The following WWC2 variants were observed in gnomAD, a reference collection of about 807,000 sequenced individuals.
The protein encoded by WWC2 is WW and C2 domain containing 2, also known as protein WWC2.
A neutral mutation model predicts 138.5 loss-of-function variants in WWC2; 101 were observed. That is an observed-to-expected ratio of 0.73 (90% CI 0.62 to 0.86). WWC2 has a LOEUF of 0.86. WWC2 is among the 40% of genes least tolerant of loss of function. The pLI is 0.00. For missense variants in WWC2, 1,420 were observed against 1,419.4 expected (o/e 1.00, Z -0.01); for synonymous variants, 558 against 538.4 (o/e 1.04, Z -0.50).
chr4:183,099,611 C>A lies in WWC2; in HGVS notation c.120C>A (p.Asp40Glu). 5.1e-6 allele frequency: 7 copies of A among 1,362,402 alleles called. No homozygotes were observed. Among genetic ancestry groups the A allele is most frequent in the Non-Finnish European group, 6.7e-6 (7 of 1,039,480 alleles). 84.4% of individuals were successfully genotyped at this position (1,362,402 alleles called of 1,614,324 possible). A position where few individuals can be genotyped will look rare whatever the true frequency, so the allele number is the denominator to read the frequency against. Residue 40 changes from aspartate (D) to glutamate (E), a missense_variant, in exon 1 of 23, where the codon GAC (aspartate) becomes GAA (glutamate). Transcript: ENST00000403733. Reference protein sequence around the residue: ...DHNTRRTSWIDPRDRLTKPLS... With the variant: ...DHNTRRTSWIEPRDRLTKPLS... Reference sequence around the variant, plus strand: ...ACACCAGGAGGACCAGCTGGATCGACCCCCGGGACAGGTGGGCGCCGGCCG... The same window carrying A: ...ACACCAGGAGGACCAGCTGGATCGAACCCCGGGACAGGTGGGCGCCGGCCG...
intron 4 of WWC2, among the ~76,000 whole-genome samples, chr4:183,213,224 G>A (rs951696120): frequency 6.6e-6 from 1 of 152,212 alleles, no homozygotes. Context: ...ATCTGTGTCC[G>A]TTTTGACCAG....
rs148052744 is a variant in WWC2 at position 183,299,286 on chromosome 4, A to G, written c.3384+9651A>G. On this transcript the variant is annotated intron_variant, in intron 21 of 22. Coordinates refer to ENST00000403733, the MANE Select transcript of WWC2 (RefSeq NM_024949.6). ...ACCTCTCAATACCGTTACAATGGCA[A>G]TTGAATTTCAGCTTGAGTTTTGGGG... 1.5e-4 allele frequency among the ~76,000 whole-genome samples: 23 copies of G among 152,228 alleles called. No individual in the cohort carries two copies. The East Asian group carries it at 4.5e-3, about 30-fold the overall frequency.
chr4:183,276,554 A>C (rs1737861815), intron 16 of WWC2, among the ~76,000 whole-genome samples: 1 of 152,126 alleles, frequency 6.6e-6, no homozygotes, highest in Non-Finnish European at 1.5e-5. Flanking sequence ...AAAGATTTTC[A>C]AAGACTTTAA....
intron 16 of WWC2, among the ~76,000 whole-genome samples, chr4:183,275,520 G>C (rs1421784949): frequency 6.6e-6 from 1 of 152,094 alleles, no homozygotes; most frequent in Non-Finnish European, 1.5e-5. Context: ...ATCATTAAAG[G>C]CCGTTGGATT....
intron 8 of WWC2, 135 bp downstream of exon 8, chr4:183,250,128 A>C (rs1481995221): frequency 1.4e-6 from 1 of 722,772 alleles, no homozygotes; most frequent in Non-Finnish European, 2.3e-6. Context: ...TTAGCATGTC[A>C]GGGCTGCTTC....
intron 9 of WWC2, among the ~76,000 whole-genome samples, chr4:183,257,625 T>C (rs1737190030): frequency 6.6e-6 from 1 of 151,952 alleles, no homozygotes; most frequent in Non-Finnish European, 1.5e-5. Flanking sequence ...TTCTAACCCC[T>C]GGTTATGGGG....
At chr4:183,235,407 ATATAT>A (rs1218157728) in intron 4 of WWC2, among the ~76,000 whole-genome samples, 1 of 152,224 alleles carries the variant, frequency 6.6e-6, no homozygotes, top group African/African-American at 2.4e-5. Flanking sequence ...TAAGTGTATA[ATATAT>A]TCAACTATAA....
At chr4:183,221,739 G>A (rs1208430881) in intron 4 of WWC2, among the ~76,000 whole-genome samples, 1 of 152,184 alleles carries the variant, frequency 6.6e-6, no homozygotes, top group Non-Finnish European at 1.5e-5. Flanking sequence ...CATTTATTGG[G>A]TATAGCTACA....
At chr4:183,251,255 A>C (rs1049563521) in intron 8 of WWC2, among the ~76,000 whole-genome samples, 1 of 152,228 alleles carries the variant, frequency 6.6e-6, no homozygotes, top group African/African-American at 2.4e-5. Flanking sequence ...GTGGCCCGGC[A>C]ATGTGCCAGC....
rs964867225 is a variant in WWC2, at chr4:183,259,622, A to AT, written c.1197-9dup. ...ATTTTGTTATAATCATTTGAAAATA[A>AT]TTTTTTTTCTTCCTAGATTGAGATT... On this transcript the variant is annotated splice_polypyrimidine_tract_variant and intron_variant, in intron 9 of 22. Transcript: ENST00000403733. The AT allele has an allele frequency of 2.7e-5, 40 of 1,483,328 alleles. No individual in the cohort carries two copies. The highest frequency in any genetic ancestry group is 1.6e-4 in the African/African-American group (11 of 69,940). 91.9% of individuals were successfully genotyped at this position (1,483,328 alleles called of 1,614,324 possible).
chr4:183,174,102 G>T (rs1184213347), intron 1 of WWC2, among the ~76,000 whole-genome samples: 3 of 152,162 alleles, frequency 2.0e-5, no homozygotes, highest in Non-Finnish European at 4.4e-5. Context: ...TAATGGAAAT[G>T]GGGCTTGGGA....
chr4:183,226,574 C>T (rs1440485230), intron 4 of WWC2, among the ~76,000 whole-genome samples: 2 of 151,808 alleles, frequency 1.3e-5, no homozygotes, highest in East Asian at 3.9e-4. Flanking sequence ...TGAAAGAAGA[C>T]AGGGAGAAAT....
At chr4:183,122,519 G>A (rs1732633838) in intron 1 of WWC2, among the ~76,000 whole-genome samples, 1 of 152,058 alleles carries the variant, frequency 6.6e-6, no homozygotes, top group Non-Finnish European at 1.5e-5. Context: ...ATAAAGATCT[G>A]TATTTTATTT....
At chr4:183,314,602 C>T (rs1739372760) in intron 22 of WWC2, among the ~76,000 whole-genome samples, 2 of 152,164 alleles carry the variant, frequency 1.3e-5, no homozygotes. Flanking sequence ...GCCCGATGGT[C>T]CCTGGCCTTC....
At chr4:183,284,173 C>T in intron 18 of WWC2, 53 bp from the exon 19 acceptor site, 1 of 1,593,288 alleles carries the variant, frequency 6.3e-7, no homozygotes, top group Admixed American at 1.7e-5. Flanking sequence ...AAGAAAGGAG[C>T]ATAATGTTTA....
At chr4:183,266,542 C>T (rs1418343832) in intron 14 of WWC2, among the ~76,000 whole-genome samples, 1 of 152,164 alleles carries the variant, frequency 6.6e-6, no homozygotes, top group Non-Finnish European at 1.5e-5. Flanking sequence ...CTAAAGATCT[C>T]ATGACAAATA....
intron 1 of WWC2, among the ~76,000 whole-genome samples, chr4:183,103,941 G>T (rs559065552): frequency 6.6e-6 from 1 of 151,814 alleles, no homozygotes; most frequent in South Asian, 2.1e-4. Context: ...GCCTGGCCTT[G>T]TCTTTCTTTC....
chr4:183,304,993 CT>C (rs1283450479), intron 21 of WWC2, among the ~76,000 whole-genome samples: 4 of 152,018 alleles, frequency 2.6e-5, no homozygotes, highest in Non-Finnish European at 4.4e-5. Context: ...ATGCCAAGGG[CT>C]ATAAGGGAAG....
At chr4:183,276,086 A>G (rs1364156765) in intron 16 of WWC2, among the ~76,000 whole-genome samples, 1 of 152,054 alleles carries the variant, frequency 6.6e-6, no homozygotes, top group Non-Finnish European at 1.5e-5. Context: ...ATTGCTAGCA[A>G]TACCTCTTGT....
Sources: allele counts gnomAD v4.1 joint callset (sites outside exome capture counted in the v4.1 genomes callset), GRCh38; gene constraint gnomAD v4.1.1; transcripts MANE v1.5; gene names NCBI Gene and HGNC (gene_info 2026-07-23, HGNC 2026-07-21).